Variants in NFIC observed in about 807,000 individuals in gnomAD.
NFIC encodes nuclear factor I C, also known as nuclear factor 1 C-type.
NFIC carries 12 observed loss-of-function variants against 54.4 expected under a neutral mutation model. The observed-to-expected ratio is 0.22, with a 90% confidence interval of 0.14 to 0.36. The LOEUF (loss-of-function observed/expected upper bound fraction) is 0.36, where lower values mean the gene tolerates loss of function less well. Ranked by LOEUF, NFIC falls within the 10% of genes least tolerant of loss-of-function variation. The pLI is 1.00. For missense variants in NFIC, 575 were observed against 718.2 expected (o/e 0.80, Z 2.28); for synonymous variants, 322 against 319.2 (o/e 1.01, Z -0.09).
Position 3,452,898 on chromosome 19 carries a change from C to A in NFIC, c.1269+232C>A, listed in dbSNP as rs111918949. ...CGCACCCTGTGGGGTCTGGGTAGCA[C>A]CCGTAGGTCCCAGCAACTGCGTGAG... is the stretch of plus-strand genomic sequence containing the variant. On this transcript the variant is annotated intron_variant, in intron 8 of 10. Coordinates refer to ENST00000443272, the MANE Select transcript of NFIC (RefSeq NM_001245002.2). The surrounding 1 kb of genome is among the most constrained non-coding windows in gnomAD (Gnocchi z 5.3). 1.7e-3 allele frequency among the ~76,000 whole-genome samples: 257 copies of A among 152,298 alleles called. 3 individuals are homozygous for A. The highest frequency in any genetic ancestry group is 5.9e-3 in the African/African-American group (246 of 41,558).
chr19:3,429,134 T>TACACACAC (rs754404318), intron 3 of NFIC, among the ~76,000 whole-genome samples: 1,128 of 67,176 alleles, frequency 0.017, 86 homozygotes, highest in Middle Eastern at 0.062. Flanking sequence ...AAAAAAAAAA[T>TACACACAC]ATACACACAC....
At chr19:3,371,229 GC>G (rs1433172282) in intron 1 of NFIC, among the ~76,000 whole-genome samples, 1 of 151,706 alleles carries the variant, frequency 6.6e-6, no homozygotes, top group African/African-American at 2.4e-5. Flanking sequence ...TGGGTGACCT[GC>G]CCCCACCCCC....
rs756917718 is a variant in NFIC at position 3,425,122 on chromosome 19, C to T, written c.579C>T (p.Gly193=). ...FVRERDAEQS[G]SPRTGMGSDQ... is the part of the protein sequence containing the mutation. ...TCTTTGCAGATGCAGAGCAAAGCGGCAGTCCCCGGACAGGGATGGGCTCTG... is the reference window on the plus strand; with the variant it reads ...TCTTTGCAGATGCAGAGCAAAGCGGTAGTCCCCGGACAGGGATGGGCTCTG... Residue 193 remains glycine (G), a synonymous_variant, in exon 3 of 11, where the codon GGC becomes GGT. Transcript: ENST00000443272. The T allele has an allele frequency of 8.7e-6, 14 of 1,613,124 alleles. No homozygotes were observed. In the Admixed American group the frequency reaches 2.2e-4, roughly 25 times the overall value.
chr19:3,413,253 G>A (rs908902879), intron 2 of NFIC, among the ~76,000 whole-genome samples: 2 of 151,934 alleles, frequency 1.3e-5, no homozygotes, highest in African/African-American at 2.4e-5. Flanking sequence ...CTGGCCTTGG[G>A]GCTTTATCTG....
intron 2 of NFIC, among the ~76,000 whole-genome samples, chr19:3,387,337 AC>A (rs1555742946): frequency 1.3e-5 from 2 of 152,156 alleles, no homozygotes; most frequent in Non-Finnish European, 2.9e-5. Flanking sequence ...CCCCATCTCT[AC>A]TAAAAATACA....
At chr19:3,440,525 G>A (rs2082277880) in intron 6 of NFIC, among the ~76,000 whole-genome samples, 1 of 151,674 alleles carries the variant, frequency 6.6e-6, no homozygotes, top group Admixed American at 6.6e-5. Context: ...CTGCCTCCCA[G>A]GTTCAAGCGA....
chr19:3,392,718 C>T (rs904845188), intron 2 of NFIC, among the ~76,000 whole-genome samples: 2 of 152,326 alleles, frequency 1.3e-5, no homozygotes, highest in African/African-American at 4.8e-5. Context: ...TCTGTGCCCA[C>T]GGCCCCCTCC....
At chr19:3,405,505 C>T (rs968993368) in intron 2 of NFIC, among the ~76,000 whole-genome samples, 3 of 152,188 alleles carry the variant, frequency 2.0e-5, no homozygotes, top group Non-Finnish European at 2.9e-5. Context: ...AGCTGCTTCC[C>T]TCCTTAGAGC....
Position 3,463,650 on chromosome 19 carries a change from GGCCCCCCCACCTC to G in NFIC, c.*886_*898del. 2.1e-6 allele frequency: 2 copies of G among 942,486 alleles called. No individual in the cohort carries two copies. The highest frequency in any genetic ancestry group is 2.5e-6 in the Non-Finnish European group (2 of 799,956). The allele number at this position is 942,486 out of a possible 1,614,324, so 58.4% of individuals were successfully genotyped here. A position where few individuals can be genotyped will look rare whatever the true frequency, so the allele number is the denominator to read the frequency against. ...TCCACCCCCCACCCCCGGCATAGGA[GGCCCCCCCACCTC>G]GCCCGGCTCACACCCCCAAAGGGAG... On this transcript the variant is annotated 3_prime_UTR_variant, in exon 11 of 11. Transcript: ENST00000443272.
chr19:3,423,122 C>T (rs1352692845), intron 2 of NFIC, among the ~76,000 whole-genome samples: 7 of 151,998 alleles, frequency 4.6e-5, no homozygotes, highest in Non-Finnish European at 7.4e-5. Flanking sequence ...CACTTGAACC[C>T]GAGAGGTGGA....
chr19:3,463,526 C>G lies in NFIC; in HGVS notation c.*757C>G. The G allele has an allele frequency of 1.0e-6, 1 of 984,528 alleles. No individual in the cohort carries two copies. Among genetic ancestry groups the G allele is most frequent in the Non-Finnish European group, 1.2e-6 (1 of 829,720 alleles). 61.0% of individuals were successfully genotyped at this position (984,528 alleles called of 1,614,324 possible). A position where few individuals can be genotyped will look rare whatever the true frequency, so the allele number is the denominator to read the frequency against. On this transcript the variant is annotated 3_prime_UTR_variant, in exon 11 of 11. Transcript: ENST00000443272. ...CGCGGGGCCTCCCCACAAGCCCCTCCCAAAGCGCCGGCCGACTCGCTGTCT... is the reference window on the plus strand; with the variant it reads ...CGCGGGGCCTCCCCACAAGCCCCTCGCAAAGCGCCGGCCGACTCGCTGTCT...
At chr19:3,442,381 T>C (rs1007114819) in intron 6 of NFIC, among the ~76,000 whole-genome samples, 8 of 66,328 alleles carry the variant, frequency 1.2e-4, no homozygotes, top group Non-Finnish European at 2.2e-4. Context: ...TTCCCATCCC[T>C]TTTTTTTTTT....
At chr19:3,366,070 G>T (rs984692922), upstream of NFIC, among the ~76,000 whole-genome samples, 9 of 139,914 alleles carry the variant, frequency 6.4e-5, no homozygotes. Context: ...CAACTTCCCG[G>T]CCAGCTCGGG....
upstream of NFIC, among the ~76,000 whole-genome samples, chr19:3,363,254 T>C (rs1184706927): frequency 1.4e-5 from 1 of 73,952 alleles, no homozygotes; most frequent in East Asian, 4.0e-4. Flanking sequence ...TATATATATA[T>C]ATATATATAT....
Position 3,454,067 on chromosome 19 carries a change from G to A in NFIC, c.1423+151G>A, listed in dbSNP as rs1252344617. On this transcript the variant is annotated intron_variant, in intron 9 of 10. Coordinates refer to ENST00000443272, the MANE Select transcript of NFIC (RefSeq NM_001245002.2). ...CTCCGGAAAACAGCCCAGTGGCCAC[G>A]TGGTTGGGCCCATGTAGGGCTGAGG... is the stretch of plus-strand genomic sequence containing the variant. The A allele has an allele frequency of 2.2e-6, 3 of 1,379,486 alleles. No homozygotes were observed. The Admixed American group carries it at 1.1e-4, about 52-fold the overall frequency. 85.5% of individuals were successfully genotyped at this position (1,379,486 alleles called of 1,614,324 possible).
At chr19:3,423,531 G>T (rs532497662) in intron 2 of NFIC, among the ~76,000 whole-genome samples, 1 of 152,208 alleles carries the variant, frequency 6.6e-6, no homozygotes, top group South Asian at 2.1e-4. Flanking sequence ...TGGGGCTGGG[G>T]AGGGGCGTCT....
chr19:3,387,695 A>G (rs1194873951), intron 2 of NFIC, among the ~76,000 whole-genome samples: 1 of 151,344 alleles, frequency 6.6e-6, no homozygotes, highest in Non-Finnish European at 1.5e-5. Context: ...GGTTATAGCC[A>G]GTGCGAAGGC....
chr19:3,413,700 C>T (rs1421955317), intron 2 of NFIC, among the ~76,000 whole-genome samples: 4 of 152,072 alleles, frequency 2.6e-5, no homozygotes, highest in Non-Finnish European at 4.4e-5. Context: ...AGTACAATGG[C>T]GCGATCTTGG....
At chr19:3,442,150 T>C (rs1599699461) in intron 6 of NFIC, among the ~76,000 whole-genome samples, 1 of 152,186 alleles carries the variant, frequency 6.6e-6, no homozygotes, top group East Asian at 1.9e-4. Flanking sequence ...GCTTGGGGCC[T>C]GGGCCAGGCC....
Sources: gnomAD v4.1 joint callset for allele counts (sites outside exome capture counted in the v4.1 genomes callset) on GRCh38, gnomAD v4.1.1 for gene constraint, Gnocchi (gnomAD v3.1) non-coding constraint, MANE v1.5 for transcripts, NCBI Gene and HGNC (gene_info 2026-07-23, HGNC 2026-07-21) for gene names.